The following MYO1E variants were observed in gnomAD, a reference collection of about 807,000 sequenced individuals.
The protein encoded by MYO1E is myosin IE, also known as unconventional myosin-Ie.
MYO1E carries 68 observed loss-of-function variants against 151.1 expected under a neutral mutation model. That is an observed-to-expected ratio of 0.45 (90% confidence interval 0.37 to 0.55). The LOEUF (loss-of-function observed/expected upper bound fraction) is 0.55, where lower values mean the gene tolerates loss of function less well. Ranked by LOEUF, MYO1E falls within the 20% of genes least tolerant of loss-of-function variation. The pLI is 0.00. For missense variants in MYO1E, 1,363 were observed against 1,389.3 expected, an observed-to-expected ratio of 0.98 and a Z score of 0.30; for synonymous variants, 601 against 501.7, an observed-to-expected ratio of 1.20 and a Z score of -2.64.
intron 26 of MYO1E, among the ~76,000 whole-genome samples, chr15:59,150,319 G>T (rs1311418105): frequency 6.6e-6 from 1 of 152,202 alleles, no homozygotes; most frequent in South Asian, 2.1e-4. Context: ...GTGGCAAAGG[G>T]TGCCATAAGA....
At chr15:59,207,339 T>C (rs1284258452) in intron 14 of MYO1E, 2 of 1,614,106 alleles carry the variant, frequency 1.2e-6, no homozygotes, top group Non-Finnish European at 1.7e-6. Context: ...AAGATTACTT[T>C]GTCACAGCAA....
chr15:59,213,136 TTTATTATTATTATTATTATTA>T (rs147109664), intron 12 of MYO1E, among the ~76,000 whole-genome samples: 379 of 139,366 alleles, frequency 2.7e-3, no homozygotes, highest in African/African-American at 9.3e-3. Context: ...GAACTATTTA[TTTATTATTATTATTATTATTA>T]TTATTATTAT....
chr15:59,203,073 T>C lies in MYO1E; in HGVS notation c.1617-666A>G, dbSNP rs182599973. Among the ~76,000 whole-genome samples, 8 of 152,240 alleles carry C rather than the reference T, an allele frequency of 5.3e-5. No individual in the cohort carries two copies. In the East Asian group the frequency reaches 1.5e-3, roughly 29 times the overall value. ...CATGTGTTTGTTAAGACAAGCAAGA[T>C]AGACCAGAGCTCAGGGAATTATATG... On this transcript the variant is annotated intron_variant, in intron 15 of 27. Transcript: ENST00000288235.
chr15:59,296,817 C>A (rs2080451061), intron 1 of MYO1E, among the ~76,000 whole-genome samples: 1 of 149,350 alleles, frequency 6.7e-6, no homozygotes, highest in Admixed American at 6.7e-5. Flanking sequence ...CACAAATATA[C>A]AAAGAATTCA....
At chr15:59,232,484 G>C (rs1218439907) in intron 5 of MYO1E, among the ~76,000 whole-genome samples, 1 of 152,170 alleles carries the variant, frequency 6.6e-6, no homozygotes, top group Non-Finnish European at 1.5e-5. Context: ...CTGGGGGGAA[G>C]GATTTGTTTT....
chr15:59,366,568 G>A (rs565782138), intron 1 of MYO1E, among the ~76,000 whole-genome samples: 3 of 152,228 alleles, frequency 2.0e-5, no homozygotes, highest in African/African-American at 4.8e-5. Context: ...CGGCAATGAC[G>A]TCATTCTCAT....
At chr15:59,141,001 G>A (rs2079405622) in intron 26 of MYO1E, among the ~76,000 whole-genome samples, 2 of 152,226 alleles carry the variant, frequency 1.3e-5, no homozygotes, top group Non-Finnish European at 1.5e-5. Flanking sequence ...TGTTCAAGAA[G>A]TGCTTGCTTC....
At chr15:59,367,219 G>A (rs1263229739) in intron 1 of MYO1E, among the ~76,000 whole-genome samples, 1 of 152,186 alleles carries the variant, frequency 6.6e-6, no homozygotes, top group East Asian at 1.9e-4. Flanking sequence ...GGTACTATAT[G>A]TTCTTTCACT....
intron 1 of MYO1E, among the ~76,000 whole-genome samples, chr15:59,313,307 T>C (rs1201213697): frequency 6.6e-6 from 1 of 152,236 alleles, no homozygotes; most frequent in Non-Finnish European, 1.5e-5. Flanking sequence ...ATCAGCCACC[T>C]GACTGCCAGG....
At chr15:59,304,256 T>C (rs2080501721) in intron 1 of MYO1E, among the ~76,000 whole-genome samples, 1 of 152,198 alleles carries the variant, frequency 6.6e-6, no homozygotes, top group Non-Finnish European at 1.5e-5. Context: ...GTGCTGCGAT[T>C]ACAGGCGTGA....
chr15:59,211,467 A>G (rs1455308577), intron 12 of MYO1E, among the ~76,000 whole-genome samples: 8 of 151,810 alleles, frequency 5.3e-5, no homozygotes, highest in African/African-American at 1.9e-4. Context: ...GGTGATTTCA[A>G]TCAATCCCAT....
intron 26 of MYO1E, among the ~76,000 whole-genome samples, chr15:59,143,248 TGG>T (rs1324676317): frequency 6.6e-6 from 1 of 152,164 alleles, no homozygotes; most frequent in Non-Finnish European, 1.5e-5. Context: ...CTAGGCTGAA[TGG>T]GGTTCCTAGT....
chr15:59,275,410 G>A (rs762322112), intron 1 of MYO1E, among the ~76,000 whole-genome samples: 8 of 151,008 alleles, frequency 5.3e-5, no homozygotes, highest in Non-Finnish European at 8.9e-5. Context: ...TCTCTCTTCC[G>A]CCCTCCCTCC....
intron 4 of MYO1E, among the ~76,000 whole-genome samples, chr15:59,252,604 A>G (rs2080171467): frequency 6.6e-6 from 1 of 152,048 alleles, no homozygotes; most frequent in African/African-American, 2.4e-5. Flanking sequence ...AATCCCAGCT[A>G]CTCGGGAGGC....
chr15:59,239,225 T>TATATATA (rs1300583176), intron 4 of MYO1E, among the ~76,000 whole-genome samples: 10 of 34,656 alleles, frequency 2.9e-4, no homozygotes, highest in African/African-American at 1.3e-3. Flanking sequence ...TATATATATA[T>TATATATA]TTTTTTTATT....
At chr15:59,190,766 T>C (rs553225998) in intron 17 of MYO1E, among the ~76,000 whole-genome samples, 2 of 152,350 alleles carry the variant, frequency 1.3e-5, no homozygotes, top group African/African-American at 2.4e-5. Flanking sequence ...AGCACGAGCA[T>C]GTAAAGCTGT....
At chr15:59,270,652 T>C (rs1207664868) in intron 2 of MYO1E, among the ~76,000 whole-genome samples, 1 of 152,072 alleles carries the variant, frequency 6.6e-6, no homozygotes, top group Non-Finnish European at 1.5e-5. Context: ...CACTTTTTTT[T>C]TTTGGAGACA....
rs139894224 is a variant in MYO1E at position 59,228,218 on chromosome 15, C to T, written c.511-628G>A. Among the ~76,000 whole-genome samples the T allele has an allele frequency of 1.5e-4, 23 of 152,238 alleles. No individual in the cohort carries two copies. The East Asian group carries it at 4.5e-3, about 29-fold the overall frequency. Reference sequence around the variant, plus strand: ...TTATATATAGCCAGGCGCGGTGGCTCACGCCTGTAATCCCAGCACTTTGAA... The same window carrying T: ...TTATATATAGCCAGGCGCGGTGGCTTACGCCTGTAATCCCAGCACTTTGAA... On this transcript the variant is annotated intron_variant, in intron 6 of 27. Coordinates refer to ENST00000288235, the MANE Select transcript of MYO1E (RefSeq NM_004998.4).
chr15:59,164,118 A>G (rs2079552074), intron 22 of MYO1E, among the ~76,000 whole-genome samples: 1 of 152,230 alleles, frequency 6.6e-6, no homozygotes, highest in South Asian at 2.1e-4. Flanking sequence ...CTTGCTGGTC[A>G]GGGGAGGTTG....
Sources: gnomAD v4.1 joint callset for allele counts (sites outside exome capture counted in the v4.1 genomes callset) on GRCh38, gnomAD v4.1.1 for gene constraint, MANE v1.5 for transcripts, NCBI Gene and HGNC (gene_info 2026-07-23, HGNC 2026-07-21) for gene names.